The following AGAP1 variants were observed in gnomAD, a reference collection of about 807,000 sequenced individuals.
AGAP1 encodes arf-GAP with GTPase, ANK repeat and PH domain-containing protein 1.
Under a neutral mutation model 105.3 loss-of-function variants are expected in AGAP1, and 29 were observed. The observed-to-expected ratio is 0.28, with a 90% CI of 0.21 to 0.38. The LOEUF is 0.38. Among genes scored for constraint, AGAP1 ranks in the 10% least tolerant of loss-of-function variants. The pLI, the probability that AGAP1 is intolerant of heterozygous loss-of-function variation, is 1.00. For synonymous variants in AGAP1, 509 were observed against 485.9 expected, an observed-to-expected ratio of 1.05 and a Z score of -0.63; for missense variants, 998 against 1,165.1, an observed-to-expected ratio of 0.86 and a Z score of 2.09.
At chr2:236,111,196 A>G (rs2059629106) in intron 16 of AGAP1, among the ~76,000 whole-genome samples, 1 of 152,182 alleles carries the variant, frequency 6.6e-6, no homozygotes, top group African/African-American at 2.4e-5. Flanking sequence ...CGTGCAGGGA[A>G]GGCACCCTCA....
intron 11 of AGAP1, among the ~76,000 whole-genome samples, chr2:235,928,715 G>T (rs1272154981): frequency 1.3e-5 from 2 of 152,188 alleles, no homozygotes; most frequent in Admixed American, 1.3e-4. Flanking sequence ...CTTCTGTGGG[G>T]TCTGAATGCC....
At chr2:236,070,102 A>G (rs957979896) in intron 16 of AGAP1, among the ~76,000 whole-genome samples, 1 of 152,224 alleles carries the variant, frequency 6.6e-6, no homozygotes. Flanking sequence ...TCGTGTTAGG[A>G]GTACCACTGG....
At chr2:235,681,038 T>G (rs1384392386) in intron 1 of AGAP1, among the ~76,000 whole-genome samples, 1 of 151,968 alleles carries the variant, frequency 6.6e-6, no homozygotes, top group Non-Finnish European at 1.5e-5. Flanking sequence ...AGGCAGAGTG[T>G]CGCTCTGTCG....
In AGAP1 at chr2:235,732,365, T is replaced by G. The variant is rs1305182308; in HGVS notation, c.311-8598T>G. Among the ~76,000 whole-genome samples the G allele has an allele frequency of 6.6e-6, 1 of 152,214 alleles. No homozygotes were observed. The highest frequency in any genetic ancestry group is 2.4e-5 in the African/African-American group (1 of 41,468). On this transcript the variant is annotated intron_variant, in intron 3 of 17. Transcript: ENST00000304032. The surrounding 1 kb of genome is among the most constrained non-coding windows in gnomAD (Gnocchi z 4.8). Reference sequence around the variant, plus strand: ...TGCTCCTTACTTTTTCTAATTTTATTCATCAGTTCCCCAAATGCCGTTTTG... The same window carrying G: ...TGCTCCTTACTTTTTCTAATTTTATGCATCAGTTCCCCAAATGCCGTTTTG...
rs962582869 is a variant in AGAP1, at chr2:235,845,532, G to A, written c.1051-37813G>A. ...AGCTGTGGGGTCACCACTATCCACC[G>A]ACAGCCCAGCCGGTCGACAGCAGAC... is the stretch of plus-strand genomic sequence containing the variant. On this transcript the variant is annotated intron_variant, in intron 9 of 17. Transcript: ENST00000304032. The surrounding 1 kb of genome is among the most constrained non-coding windows in gnomAD (Gnocchi z 4.8). Among the ~76,000 whole-genome samples the A allele has an allele frequency of 2.6e-5, 4 of 151,982 alleles. No individual in the cohort carries two copies. Among genetic ancestry groups the A allele is most frequent in the African/African-American group, 9.7e-5 (4 of 41,390 alleles).
rs1287358400 is a variant in AGAP1 at position 235,737,434 on chromosome 2, T to G, written c.311-3529T>G. On this transcript the variant is annotated intron_variant, in intron 3 of 17. Coordinates refer to ENST00000304032, the MANE Select transcript of AGAP1 (RefSeq NM_001037131.3). This position sits in a 1 kb window ranked among gnomAD's most constrained non-coding sequence, Gnocchi z 4.5. The stretch of plus-strand genomic sequence containing the variant: ...GATGAGAGAAGGAATCACTGCTCCT[T>G]TTAGAGGCAATGAAAGTTGGGCCTG... Among the ~76,000 whole-genome samples the G allele has an allele frequency of 1.3e-5, 2 of 152,144 alleles. No homozygotes were observed. Among genetic ancestry groups the G allele is most frequent in the Admixed American group, 1.3e-4 (2 of 15,290 alleles).
rs557999483 is a variant in AGAP1, at chr2:235,716,219, T to C, written c.223-1338T>C. 6.6e-6 allele frequency among the ~76,000 whole-genome samples: 1 copy of C among 151,948 alleles called. No homozygotes were observed. Among genetic ancestry groups the C allele is most frequent in the East Asian group, 1.9e-4 (1 of 5,130 alleles). On this transcript the variant is annotated intron_variant, in intron 2 of 17. Transcript: ENST00000304032. The surrounding 1 kb of genome is among the most constrained non-coding windows in gnomAD (Gnocchi z 4.0). ...TAGAGTGGAGGATCAGCTGGAGATG[T>C]GAGGATGGAGCCCTGGCGAGTCCCA...
Position 235,793,278 on chromosome 2 carries a change from G to A in AGAP1, c.674-4481G>A, listed in dbSNP as rs982505675. 6.6e-6 allele frequency among the ~76,000 whole-genome samples: 1 copy of A among 152,168 alleles called. No homozygotes were observed. The highest frequency in any genetic ancestry group is 1.5e-5 in the Non-Finnish European group (1 of 68,038). On this transcript the variant is annotated intron_variant, in intron 6 of 17. Transcript: ENST00000304032. This position sits in a 1 kb window ranked among gnomAD's most constrained non-coding sequence, Gnocchi z 5.3. ...TGGCTGGGAATGGGGCGTGGCACAC[G>A]GTGTAATCCGGGCAGCCTTGGCGAG... is the stretch of plus-strand genomic sequence containing the variant.
rs912712011 is a variant in AGAP1 at position 235,973,794 on chromosome 2, G to A, written c.1645+5171G>A. On this transcript the variant is annotated intron_variant, in intron 13 of 17. Coordinates refer to ENST00000304032, the MANE Select transcript of AGAP1 (RefSeq NM_001037131.3). The surrounding 1 kb of genome is among the most constrained non-coding windows in gnomAD (Gnocchi z 4.7). The stretch of plus-strand genomic sequence containing the variant: ...AGTGACCCCGACCCTGCATGGGGTC[G>A]GCATGGGTTGGACCAGGGCAGAGGA... Among the ~76,000 whole-genome samples, 7 of 152,134 alleles carry A rather than the reference G, an allele frequency of 4.6e-5. No individual in the cohort carries two copies. Among genetic ancestry groups the A allele is most frequent in the African/African-American group, 7.2e-5 (3 of 41,432 alleles).
At chr2:235,998,669 G>GTGGTGACGA (rs2055921653) in intron 13 of AGAP1, among the ~76,000 whole-genome samples, 1 of 151,880 alleles carries the variant, frequency 6.6e-6, no homozygotes, top group African/African-American at 2.4e-5. Flanking sequence ...GGTGGTGGTG[G>GTGGTGACGA]TGGTGGTGAC....
intron 1 of AGAP1, among the ~76,000 whole-genome samples, chr2:235,520,138 C>T (rs901787419): frequency 3.9e-5 from 6 of 152,298 alleles, no homozygotes; most frequent in South Asian, 4.2e-4. Flanking sequence ...GTAAATACTT[C>T]AGTATCTATC....
rs1252319294 is a variant in AGAP1, at chr2:236,121,521, G to C, written c.2370+1074G>C. Among the ~76,000 whole-genome samples, 1 of 151,744 alleles carries C rather than the reference G, an allele frequency of 6.6e-6. No homozygotes were observed. The highest frequency in any genetic ancestry group is 1.5e-5 in the Non-Finnish European group (1 of 67,956). On this transcript the variant is annotated intron_variant, in intron 17 of 17. Coordinates refer to ENST00000304032, the MANE Select transcript of AGAP1 (RefSeq NM_001037131.3). This position sits in a 1 kb window ranked among gnomAD's most constrained non-coding sequence, Gnocchi z 4.9. The stretch of plus-strand genomic sequence containing the variant: ...TCACCATGTTGGTCAGTCTGGTCTC[G>C]AGCTCCTGACCTCGTGATCCACCCG...
rs543792761 is a variant in AGAP1 at position 235,915,751 on chromosome 2, A to G, written c.1324+6845A>G. 2.0e-5 allele frequency among the ~76,000 whole-genome samples: 3 copies of G among 152,354 alleles called. No homozygotes were observed. The East Asian group carries it at 5.8e-4, about 29-fold the overall frequency. ...AGATTGTGAAAATAAAAAATTCATTAGATAAATACTGTAAAGAACGTGGCT... is the reference window on the plus strand; with the variant it reads ...AGATTGTGAAAATAAAAAATTCATTGGATAAATACTGTAAAGAACGTGGCT... On this transcript the variant is annotated intron_variant, in intron 11 of 17. Coordinates refer to ENST00000304032, the MANE Select transcript of AGAP1 (RefSeq NM_001037131.3).
chr2:235,774,300 C>T (rs1471890789), intron 6 of AGAP1: 3 of 468,266 alleles, frequency 6.4e-6, no homozygotes, highest in South Asian at 3.1e-5. Flanking sequence ...GTCCCTCACA[C>T]ACCTGTCGCC....
intron 12 of AGAP1, among the ~76,000 whole-genome samples, chr2:235,933,033 T>C (rs1206938306): frequency 6.6e-6 from 1 of 150,380 alleles, no homozygotes; most frequent in East Asian, 1.9e-4. Context: ...ACCCTGAACA[T>C]AGAAGATAAG....
At position 235,494,800 on chromosome 2, in the gene AGAP1, G is replaced by A; in HGVS notation, c.114G>A (p.Glu38=). 2 of 1,585,318 alleles carry A rather than the reference G, an allele frequency of 1.3e-6. No homozygotes were observed. Among genetic ancestry groups the A allele is most frequent in the Admixed American group, 1.7e-5 (1 of 57,146 alleles). ...YSIYELLERV[E]EPVLQNQIRE... ...TCTACGAGCTGCTGGAGCGCGTGGA[G>A]GAGCCGGTGCTGCAGAACCAGATCC... is the stretch of plus-strand genomic sequence containing the variant. The change falls in exon 1 of 18, where the codon GAG becomes GAA. Residue 38 remains glutamate (E), a synonymous_variant. Transcript: ENST00000304032.
In AGAP1 at chr2:236,046,020, T is replaced by C. The variant is rs905761727; in HGVS notation, c.1892-3039T>C. ...GATCTGGACCTGACAGCCTGGGAGC[T>C]GCTGGGGGGAGGTAGGAGGGGGTGC... On this transcript the variant is annotated intron_variant, in intron 15 of 17. Coordinates refer to ENST00000304032, the MANE Select transcript of AGAP1 (RefSeq NM_001037131.3). The surrounding 1 kb of genome is among the most constrained non-coding windows in gnomAD (Gnocchi z 5.2). 6 of 471,368 alleles carry C rather than the reference T, an allele frequency of 1.3e-5. No individual in the cohort carries two copies. Among genetic ancestry groups the C allele is most frequent in the Non-Finnish European group, 2.2e-5 (5 of 227,070 alleles). The allele number at this position is 471,368 out of a possible 1,614,324, so 29.2% of individuals were successfully genotyped here. A position where few individuals can be genotyped will look rare whatever the true frequency, so the allele number is the denominator to read the frequency against.
chr2:235,845,176 A>G lies in AGAP1; in HGVS notation c.1050+37845A>G, dbSNP rs1961328098. 6.6e-6 allele frequency among the ~76,000 whole-genome samples: 1 copy of G among 152,176 alleles called. No homozygotes were observed. ...TGAAGCTTAGTCCCAAGAGCCACACATGTCAAGGAAATCTGGGAGCAGCAG... is the reference window on the plus strand; with the variant it reads ...TGAAGCTTAGTCCCAAGAGCCACACGTGTCAAGGAAATCTGGGAGCAGCAG... On this transcript the variant is annotated intron_variant, in intron 9 of 17. Transcript: ENST00000304032. The surrounding 1 kb of genome is among the most constrained non-coding windows in gnomAD (Gnocchi z 4.8).
rs967782829 is a variant in AGAP1 at position 235,734,708 on chromosome 2, C to T, written c.311-6255C>T. 4.6e-5 allele frequency among the ~76,000 whole-genome samples: 7 copies of T among 152,214 alleles called. No homozygotes were observed. Among genetic ancestry groups the T allele is most frequent in the Non-Finnish European group, 1.0e-4 (7 of 68,042 alleles). On this transcript the variant is annotated intron_variant, in intron 3 of 17. Coordinates refer to ENST00000304032, the MANE Select transcript of AGAP1 (RefSeq NM_001037131.3). This position sits in a 1 kb window ranked among gnomAD's most constrained non-coding sequence, Gnocchi z 5.3. ...GAGTGGAGTAAGGATAAGATAGTCC[C>T]GCCTCTCTGCCTGTTTGATGTTGGC...
Sources: gnomAD v4.1 joint callset for allele counts (sites outside exome capture counted in the v4.1 genomes callset) on GRCh38, gnomAD v4.1.1 for gene constraint, Gnocchi (gnomAD v3.1) non-coding constraint, MANE v1.5 for transcripts, NCBI Gene and HGNC (gene_info 2026-07-23, HGNC 2026-07-21) for gene names.